Variants in OLFM4 observed in about 807,000 individuals in gnomAD.
OLFM4 encodes olfactomedin-4.
A neutral mutation model predicts 25.5 loss-of-function variants in OLFM4; 22 were observed. That is an observed-to-expected ratio of 0.86 (90% CI 0.62 to 1.23). The LOEUF (loss-of-function observed/expected upper bound fraction) is 1.23. OLFM4 is among the 50% of genes most tolerant of loss of function. The pLI, the probability that OLFM4 is intolerant of heterozygous loss-of-function variation, is 0.00. For synonymous variants in OLFM4, 255 were observed against 237.7 expected (o/e 1.07, Z -0.67); for missense variants, 594 against 619.4 (o/e 0.96, Z 0.44).
At chr13:53,045,315 G>A (rs775859376) in intron 4 of OLFM4, among the ~76,000 whole-genome samples, 1 of 151,992 alleles carries the variant, frequency 6.6e-6, no homozygotes, top group Non-Finnish European at 1.5e-5. Context: ...TAAGCAAATT[G>A]GACCCAGATT....
chr13:53,030,060 C>T (rs752834676), intron 1 of OLFM4, among the ~76,000 whole-genome samples: 1 of 152,102 alleles, frequency 6.6e-6, no homozygotes, highest in East Asian at 1.9e-4. Flanking sequence ...AGGATCTTTC[C>T]TCACAGGTCA....
chr13:53,043,367 G>GT, intron 4 of OLFM4, 103 bp downstream of exon 4: 7 of 763,892 alleles, frequency 9.2e-6, no homozygotes, highest in Non-Finnish European at 1.1e-5. Flanking sequence ...GAAGAAGGTG[G>GT]GTTGTTTTTT....
intron 2 of OLFM4, among the ~76,000 whole-genome samples, chr13:53,040,422 T>C (rs149561984): frequency 1.3e-5 from 2 of 152,354 alleles, no homozygotes; most frequent in Non-Finnish European, 2.9e-5. Context: ...TGGATCTCTA[T>C]GCCACTTTGT....
chr13:53,048,535 T>G (rs1006683202), intron 4 of OLFM4, among the ~76,000 whole-genome samples: 4 of 152,134 alleles, frequency 2.6e-5, no homozygotes, highest in Middle Eastern at 3.2e-3. Context: ...AGTCCTTGGG[T>G]GAGGAGGATG....
chr13:53,050,245 A>C lies in OLFM4; in HGVS notation c.1007A>C (p.Asn336Thr), dbSNP rs77938256. Residue 336 changes from asparagine to threonine, a missense_variant, in exon 5 of 5, where the codon AAC becomes ACC. Asn to Thr is a moderately conservative substitution (Grantham distance 65). Transcript: ENST00000219022. ...GGTAGTGGTACAGCAGTTTACAACA[A>C]CAACATGTACGTCAACATGTACAAC... ...GQGSGTAVYN[N>T]NMYVNMYNTG... 2.2e-4 allele frequency: 356 copies of C among 1,614,130 alleles called. 3 individuals carry two copies. In the East Asian group the frequency reaches 4.8e-3, roughly 22 times the overall value.
intron 4 of OLFM4, among the ~76,000 whole-genome samples, chr13:53,044,812 A>G (rs778807766): frequency 6.6e-6 from 1 of 152,138 alleles, no homozygotes; most frequent in Non-Finnish European, 1.5e-5. Context: ...TTTCTGGTGG[A>G]CCACAGAGGA....
At chr13:53,047,799 C>T (rs1299206715) in intron 4 of OLFM4, among the ~76,000 whole-genome samples, 2 of 152,162 alleles carry the variant, frequency 1.3e-5, no homozygotes, top group East Asian at 1.9e-4. Context: ...TATTTTGGTT[C>T]CTTCATGTCT....
intron 4 of OLFM4, among the ~76,000 whole-genome samples, chr13:53,043,727 A>T (rs1954700853): frequency 6.6e-6 from 1 of 151,336 alleles, no homozygotes; most frequent in Non-Finnish European, 1.5e-5. Flanking sequence ...TTTCTCTTTA[A>T]TTTTTTCTTT....
intron 2 of OLFM4, among the ~76,000 whole-genome samples, chr13:53,035,329 T>TG (rs1954652852): frequency 6.6e-6 from 1 of 151,984 alleles, no homozygotes; most frequent in Admixed American, 6.6e-5. Context: ...TATTTTTTTT[T>TG]GGTGTATAGT....
chr13:53,051,042 A>G lies in OLFM4; in HGVS notation c.*271A>G. Reference sequence around the variant, plus strand: ...GGGCACTGTGGGCCTAGTGAAGCCTACTGTGAGGAGGCTTCACTAGAAGCC... The same window carrying G: ...GGGCACTGTGGGCCTAGTGAAGCCTGCTGTGAGGAGGCTTCACTAGAAGCC... On this transcript the variant is annotated 3_prime_UTR_variant, in exon 5 of 5. Coordinates refer to ENST00000219022, the MANE Select transcript of OLFM4 (RefSeq NM_006418.5). 2.7e-6 allele frequency: 1 copy of G among 363,966 alleles called. No homozygotes were observed. The highest frequency in any genetic ancestry group is 2.1e-5 in the African/African-American group (1 of 47,644). 22.5% of individuals were successfully genotyped at this position (363,966 alleles called of 1,614,324 possible).
chr13:53,050,026 A>C lies in OLFM4; in HGVS notation c.788A>C (p.Asn263Thr). The C allele has an allele frequency of 6.2e-7, 1 of 1,613,584 alleles. No individual in the cohort carries two copies. Among genetic ancestry groups the C allele is most frequent in the Non-Finnish European group, 8.5e-7 (1 of 1,179,554 alleles). The change falls in exon 5 of 5, where the codon AAC (asparagine) becomes ACC (threonine). Residue 263 changes from asparagine (N) to threonine (T), a missense_variant. Physicochemically the swap from Asn to Thr is moderately conservative, Grantham distance 65 (BLOSUM62 0). Transcript: ENST00000219022. ...NISKPSVVQL[N>T]WRGFSYLYGA... ...AGCAAACCGTCTGTGGTTCAGCTCA[A>C]CTGGAGAGGGTTTTCTTATCTATAT...
At position 53,043,297 on chromosome 13, in the gene OLFM4, C is replaced by T. The variant is rs1041393039; in HGVS notation, c.730+33C>T. 3.2e-6 allele frequency: 5 copies of T among 1,555,322 alleles called. No homozygotes were observed. The African/African-American group carries it at 6.9e-5, about 21-fold the overall frequency. On this transcript the variant is annotated intron_variant, in intron 4 of 4. Coordinates refer to ENST00000219022, the MANE Select transcript of OLFM4 (RefSeq NM_006418.5). ...TGCCAGTTTTTTTAACCACTTGTGCCAGACCCCATAAGGAGCTGTGAGTGG... is the reference window on the plus strand; with the variant it reads ...TGCCAGTTTTTTTAACCACTTGTGCTAGACCCCATAAGGAGCTGTGAGTGG...
intron 2 of OLFM4, among the ~76,000 whole-genome samples, chr13:53,036,921 T>C (rs1954661979): frequency 1.3e-5 from 2 of 152,190 alleles, no homozygotes; most frequent in African/African-American, 4.8e-5. Context: ...TTCAAAATCA[T>C]CTCAACTCTC....
chr13:53,033,834 G>T (rs1954641719), intron 1 of OLFM4, among the ~76,000 whole-genome samples: 1 of 152,082 alleles, frequency 6.6e-6, no homozygotes. Flanking sequence ...GCCGAGGTGG[G>T]TGGATCACGA....
intron 4 of OLFM4, among the ~76,000 whole-genome samples, chr13:53,044,619 G>A (rs1213163397): frequency 6.6e-6 from 1 of 152,046 alleles, no homozygotes; most frequent in Non-Finnish European, 1.5e-5. Context: ...TTAGAATCCT[G>A]CCCCAGAATG....
In OLFM4 at chr13:53,050,871, T is replaced by C. The variant is rs1304382966; in HGVS notation, c.*100T>C. 9.7e-7 allele frequency: 1 copy of C among 1,034,640 alleles called. No individual in the cohort carries two copies. Among genetic ancestry groups the C allele is most frequent in the East Asian group, 2.5e-5 (1 of 40,734 alleles). 64.1% of individuals were successfully genotyped at this position (1,034,640 alleles called of 1,614,324 possible). A position where few individuals can be genotyped will look rare whatever the true frequency, so the allele number is the denominator to read the frequency against. ...AGGGGTGTCTAAAAGTGTGTTCATT[T>C]TGCAGCAATGTTTAGGTGCATAGTT... On this transcript the variant is annotated 3_prime_UTR_variant, in exon 5 of 5. Transcript: ENST00000219022.
At chr13:53,047,569 G>A (rs928116650) in intron 4 of OLFM4, among the ~76,000 whole-genome samples, 4 of 152,080 alleles carry the variant, frequency 2.6e-5, no homozygotes, top group Non-Finnish European at 4.4e-5. Flanking sequence ...AAATGAACAG[G>A]AAAGTGTTTA....
At chr13:53,030,979 G>A (rs1215732076) in intron 1 of OLFM4, among the ~76,000 whole-genome samples, 1 of 152,152 alleles carries the variant, frequency 6.6e-6, no homozygotes, top group African/African-American at 2.4e-5. Context: ...AATTTATTAT[G>A]AAGCTCCATC....
intron 1 of OLFM4, among the ~76,000 whole-genome samples, chr13:53,030,974 A>T (rs1430725367): frequency 6.6e-6 from 1 of 152,198 alleles, no homozygotes; most frequent in Non-Finnish European, 1.5e-5. Context: ...ATAATAATTT[A>T]TTATGAAGCT....
Sources: gnomAD v4.1 joint callset for allele counts (sites outside exome capture counted in the v4.1 genomes callset) on GRCh38, gnomAD v4.1.1 for gene constraint, MANE v1.5 for transcripts, NCBI Gene and HGNC (gene_info 2026-07-23, HGNC 2026-07-21) for gene names.